DZIP3: variants seen among roughly 807,000 people sequenced by gnomAD.
The protein encoded by DZIP3 is DAZ interacting zinc finger protein 3.
In DZIP3, 118 loss-of-function variants were observed where a neutral mutation model predicts 162.0. The ratio of observed to expected loss-of-function variants is 0.73; its 90% CI spans 0.63 to 0.85. The LOEUF (loss-of-function observed/expected upper bound fraction) is 0.85, where lower values mean the gene tolerates loss of function less well. Ranked by LOEUF, DZIP3 falls within the 40% of genes least tolerant of loss-of-function variation. The pLI, the probability that DZIP3 is intolerant of heterozygous loss-of-function variation, is 0.00. For missense variants in DZIP3, 1,331 were observed against 1,407.0 expected (o/e 0.95, Z 0.86); for synonymous variants, 438 against 458.6 (o/e 0.96, Z 0.57).
intron 12 of DZIP3, among the ~76,000 whole-genome samples, chr3:108,640,480 C>G (rs1320414908): frequency 6.7e-6 from 1 of 149,112 alleles, no homozygotes; most frequent in Non-Finnish European, 1.5e-5. Flanking sequence ...GAGTCTCGCC[C>G]TGTCACCCAG....
intron 6 of DZIP3, 129 bp from the exon 7 acceptor site, chr3:108,625,716 A>G: frequency 1.1e-6 from 1 of 889,390 alleles, no homozygotes; most frequent in Non-Finnish European, 1.6e-6. Context: ...CAGAATGTGA[A>G]TAAATGACCA....
At chr3:108,627,163 A>G (rs1289468044) in intron 7 of DZIP3, among the ~76,000 whole-genome samples, 1 of 152,228 alleles carries the variant, frequency 6.6e-6, no homozygotes, top group Non-Finnish European at 1.5e-5. Context: ...TGACAAAGTA[A>G]GAGAATTAAC....
chr3:108,631,055 A>ACACACACACATACACTCTCTCTCTCT, intron 8 of DZIP3, among the ~76,000 whole-genome samples: 10 of 18,014 alleles, frequency 5.6e-4, no homozygotes, highest in African/African-American at 1.1e-3. Flanking sequence ...ACACACACAC[A>ACACACACACATACACTCTCTCTCTCT]CTCTCTCTCT....
chr3:108,631,055 A>ACACACACACACACATACTCTCT, intron 8 of DZIP3, among the ~76,000 whole-genome samples: 2 of 18,006 alleles, frequency 1.1e-4, no homozygotes, highest in African/African-American at 2.8e-4. Context: ...ACACACACAC[A>ACACACACACACACATACTCTCT]CTCTCTCTCT....
chr3:108,687,129 C>T (rs888336593), intron 28 of DZIP3, among the ~76,000 whole-genome samples: 2 of 151,966 alleles, frequency 1.3e-5, no homozygotes, highest in African/African-American at 4.8e-5. Context: ...TATCTCAACT[C>T]ATATCTAAGG....
chr3:108,656,140 A>G (rs1048864874), intron 19 of DZIP3, among the ~76,000 whole-genome samples: 25 of 152,188 alleles, frequency 1.6e-4, no homozygotes, highest in Admixed American at 2.0e-4. Flanking sequence ...AGCTTTGAAG[A>G]GAGTAGTGGT....
At chr3:108,591,988 A>G (rs983700167) in intron 1 of DZIP3, among the ~76,000 whole-genome samples, 10 of 152,078 alleles carry the variant, frequency 6.6e-5, no homozygotes, top group South Asian at 2.1e-4. Flanking sequence ...CAAAAAAAAA[A>G]AAAAAAAAAG....
chr3:108,674,859 A>G (rs1944047179), intron 24 of DZIP3, among the ~76,000 whole-genome samples: 1 of 151,894 alleles, frequency 6.6e-6, no homozygotes, highest in Non-Finnish European at 1.5e-5. Flanking sequence ...AATGATTATT[A>G]TTTTAATAAT....
At chr3:108,646,141 C>CT (rs199721130) in intron 14 of DZIP3, among the ~76,000 whole-genome samples, 1 of 151,522 alleles carries the variant, frequency 6.6e-6, no homozygotes, top group Non-Finnish European at 1.5e-5. Context: ...TGAAGATTGT[C>CT]TTTTTTTTTC....
At chr3:108,605,260 A>G (rs1233158120) in intron 1 of DZIP3, 75 bp from the exon 2 acceptor site, 2 of 1,090,676 alleles carry the variant, frequency 1.8e-6, no homozygotes, top group Non-Finnish European at 2.7e-6. Context: ...TCTTCAAATG[A>G]TCACGTTCTG....
chr3:108,689,589 A>G (rs1944617940), intron 31 of DZIP3, among the ~76,000 whole-genome samples: 1 of 152,164 alleles, frequency 6.6e-6, no homozygotes, highest in African/African-American at 2.4e-5. Flanking sequence ...CAGGAGGCTG[A>G]GGCAGGAGAA....
chr3:108,676,683 G>T (rs1364886393), intron 25 of DZIP3, among the ~76,000 whole-genome samples: 1 of 151,770 alleles, frequency 6.6e-6, no homozygotes, highest in Admixed American at 6.6e-5. Flanking sequence ...TCCCTTGGGG[G>T]TTTTCACTGT....
chr3:108,642,341 G>A, intron 12 of DZIP3, 97 bp from the exon 13 acceptor site: 1 of 1,259,132 alleles, frequency 7.9e-7, no homozygotes, highest in Non-Finnish European at 1.1e-6. Flanking sequence ...TCTAGGAGAA[G>A]ATGAAAATAC....
chr3:108,622,880 C>CTCTCTCTCTCTCTCTCTCTCTCTCTCTG (rs796232998), intron 5 of DZIP3, among the ~76,000 whole-genome samples: 3 of 53,096 alleles, frequency 5.7e-5, no homozygotes, highest in East Asian at 5.0e-4. Context: ...CTCTCTCTCT[C>CTCTCTCTCTCTCTCTCTCTCTCTCTCTG]TGTGTGTGTG....
chr3:108,599,314 CTG>C (rs1414992232), intron 1 of DZIP3, among the ~76,000 whole-genome samples: 1 of 152,128 alleles, frequency 6.6e-6, no homozygotes, highest in Non-Finnish European at 1.5e-5. Context: ...AATAAGCAAA[CTG>C]TATGTTCTTT....
chr3:108,639,328 T>C (rs76938286), intron 12 of DZIP3, among the ~76,000 whole-genome samples: 1,987 of 152,356 alleles, frequency 0.013, 42 homozygotes, highest in African/African-American at 0.046. Context: ...AGATTCTGGA[T>C]TCCATTATTC....
At chr3:108,615,163 T>A (rs972204814) in intron 4 of DZIP3, among the ~76,000 whole-genome samples, 19 of 152,216 alleles carry the variant, frequency 1.2e-4, no homozygotes, top group African/African-American at 4.6e-4. Context: ...CAGTCAAAAG[T>A]CAGCTCTCCA....
At chr3:108,638,909 C>G (rs1004527880) in intron 12 of DZIP3, among the ~76,000 whole-genome samples, 14 of 152,210 alleles carry the variant, frequency 9.2e-5, no homozygotes, top group African/African-American at 3.4e-4. Context: ...TTGTACACAG[C>G]TGAACTCATT....
At chr3:108,612,851 T>C (rs554255127) in intron 4 of DZIP3, among the ~76,000 whole-genome samples, 1 of 152,258 alleles carries the variant, frequency 6.6e-6, no homozygotes, top group Non-Finnish European at 1.5e-5. Context: ...CCTGTGGATA[T>C]GGAGGGCAAA....
Sources: allele counts gnomAD v4.1 joint callset (sites outside exome capture counted in the v4.1 genomes callset), GRCh38; gene constraint gnomAD v4.1.1; transcripts MANE v1.5; gene names NCBI Gene and HGNC (gene_info 2026-07-23, HGNC 2026-07-21).